Variants in CISD1 observed in about 807,000 individuals in gnomAD.
CISD1 encodes the protein CDGSH iron-sulfur domain-containing protein 1.
In CISD1, 8 loss-of-function variants were observed where a neutral mutation model predicts 12.0. The ratio of observed to expected loss-of-function variants is 0.67; its 90% CI spans 0.39 to 1.20. CISD1 has a LOEUF of 1.20. CISD1 is among the 50% of genes most tolerant of loss of function. CISD1 has a pLI of 0.01. For missense variants in CISD1, 107 were observed against 132.7 expected (o/e 0.81, Z 0.95); for synonymous variants, 38 against 42.2 (o/e 0.90, Z 0.39).
intron 2 of CISD1, among the ~76,000 whole-genome samples, chr10:58,278,927 C>G (rs1354991686): frequency 6.6e-6 from 1 of 152,156 alleles, no homozygotes; most frequent in Non-Finnish European, 1.5e-5. Context: ...TGTAGGTATT[C>G]TGGTGGTGCT....
intron 2 of CISD1, among the ~76,000 whole-genome samples, chr10:58,285,609 A>G (rs1317024661): frequency 6.6e-6 from 1 of 152,234 alleles, no homozygotes; most frequent in East Asian, 1.9e-4. Flanking sequence ...AAAGATACAA[A>G]TATAGAGAAA....
rs1053855205 is a variant in CISD1 at position 58,277,216 on chromosome 10, T to C, written c.131T>C (p.Met44Thr). ...FYVKDHRNKA[M>T]INLHIQKDNP... is the part of the protein sequence containing the mutation. ...GTTAAAGATCATCGAAATAAAGCTATGATAAACCTTCACATCCAGAAAGAC... is the reference window on the plus strand; with the variant it reads ...GTTAAAGATCATCGAAATAAAGCTACGATAAACCTTCACATCCAGAAAGAC... Residue 44 changes from methionine (M) to threonine (T), a missense_variant, in exon 2 of 3, where the codon ATG becomes ACG. Coordinates refer to ENST00000333926, the MANE Select transcript of CISD1 (RefSeq NM_018464.5). The C allele has an allele frequency of 3.1e-6, 5 of 1,613,088 alleles. No individual in the cohort carries two copies. Among genetic ancestry groups the C allele is most frequent in the African/African-American group, 2.7e-5 (2 of 74,882 alleles).
In CISD1 at chr10:58,284,320, TA is replaced by T. The variant is rs796747642; in HGVS notation, c.238-3227del. Among the ~76,000 whole-genome samples, 255 of 139,690 alleles carry T rather than the reference TA, an allele frequency of 1.8e-3. 1 individual carries two copies. Among genetic ancestry groups the T allele is most frequent in the African/African-American group, 4.1e-3 (157 of 38,132 alleles). The allele number at this position is 139,690 out of a possible 152,430, so 91.6% of individuals were successfully genotyped here. A position where few individuals can be genotyped will look rare whatever the true frequency, so the allele number is the denominator to read the frequency against. ...CACTGTGCAATCTAATTTAATCTCT[TA>T]AAAAAAAAAAAAACTGTATACCCAC... On this transcript the variant is annotated intron_variant, in intron 2 of 2. Transcript: ENST00000333926.
intron 2 of CISD1, among the ~76,000 whole-genome samples, chr10:58,287,148 T>G (rs139284713): frequency 0.016 from 2,457 of 152,252 alleles, 72 homozygotes; most frequent in African/African-American, 0.057. Flanking sequence ...CTTGAACTCT[T>G]GACCTCAAAT....
chr10:58,272,331 C>T (rs1322356154), intron 1 of CISD1, among the ~76,000 whole-genome samples: 1 of 151,246 alleles, frequency 6.6e-6, no homozygotes, highest in African/African-American at 2.4e-5. Context: ...CAAGTTGCAA[C>T]ATAGGGATTT....
At position 58,278,861 on chromosome 10, in the gene CISD1, G is replaced by A. The variant is rs114405276; in HGVS notation, c.237+1539G>A. 7.1e-3 allele frequency among the ~76,000 whole-genome samples: 1,076 copies of A among 152,234 alleles called. 13 individuals are homozygous for A. The highest frequency in any genetic ancestry group is 0.024 in the African/African-American group (1,000 of 41,520). On this transcript the variant is annotated intron_variant, in intron 2 of 2. Coordinates refer to ENST00000333926, the MANE Select transcript of CISD1 (RefSeq NM_018464.5). ...CGGTTGAAGTCAAAACACAGACGCA[G>A]AGGACACAGTTAAGTCAGTGACCCA...
chr10:58,276,816 T>C (rs900671033), intron 1 of CISD1, among the ~76,000 whole-genome samples: 4 of 152,100 alleles, frequency 2.6e-5, no homozygotes, highest in Admixed American at 1.3e-4. Flanking sequence ...ATAAACACTT[T>C]TTAAATGATT....
At chr10:58,269,959 A>C (rs976728273) in intron 1 of CISD1, among the ~76,000 whole-genome samples, 1 of 152,202 alleles carries the variant, frequency 6.6e-6, no homozygotes, top group African/African-American at 2.4e-5. Flanking sequence ...TTTCGCAGAA[A>C]GTCCCGTTAT....
At chr10:58,271,015 A>C (rs1366731909) in intron 1 of CISD1, among the ~76,000 whole-genome samples, 1 of 146,912 alleles carries the variant, frequency 6.8e-6, no homozygotes, top group Non-Finnish European at 1.5e-5. Flanking sequence ...GAGATTACAT[A>C]TGTGAGACAC....
intron 1 of CISD1, among the ~76,000 whole-genome samples, 162 bp from the exon 2 acceptor site, chr10:58,276,955 A>G (rs577211902): frequency 1.3e-5 from 2 of 152,316 alleles, no homozygotes; most frequent in African/African-American, 4.8e-5. Context: ...AAGTCATAAC[A>G]AAGGACTATT....
In CISD1 at chr10:58,287,924, A is replaced by G. The variant is rs1839447760; in HGVS notation, c.*274A>G. On this transcript the variant is annotated 3_prime_UTR_variant, in exon 3 of 3. Transcript: ENST00000333926. ...CCATTTCTTTAAAATACTGACATAT[A>G]GAGTTGTACCTTATATAGAATATAG... is the stretch of plus-strand genomic sequence containing the variant. 3.4e-6 allele frequency: 1 copy of G among 292,668 alleles called. No individual in the cohort carries two copies. Among genetic ancestry groups the G allele is most frequent in the South Asian group, 1.1e-4 (1 of 8,782 alleles). The allele number at this position is 292,668 out of a possible 1,614,324, so 18.1% of individuals were successfully genotyped here.
At chr10:58,278,599 A>G (rs1219871485) in intron 2 of CISD1, among the ~76,000 whole-genome samples, 2 of 152,170 alleles carry the variant, frequency 1.3e-5, no homozygotes, top group Non-Finnish European at 2.9e-5. Context: ...AAAAATCAAT[A>G]AAAATGATGT....
chr10:58,269,566 A>G (rs773272752), intron 1 of CISD1, among the ~76,000 whole-genome samples: 3 of 152,046 alleles, frequency 2.0e-5, no homozygotes, highest in Non-Finnish European at 4.4e-5. Flanking sequence ...ACACCTAATG[A>G]CCGCGCCGCT....
At chr10:58,271,057 T>TTTTTTTTTA (rs75668167) in intron 1 of CISD1, among the ~76,000 whole-genome samples, 1 of 149,940 alleles carries the variant, frequency 6.7e-6, no homozygotes. Flanking sequence ...TTTTTTTTTT[T>TTTTTTTTTA]GAGGCGGAGT....
At chr10:58,269,705 C>A (rs935601643) in intron 1 of CISD1, among the ~76,000 whole-genome samples, 8 of 152,224 alleles carry the variant, frequency 5.3e-5, no homozygotes, top group Non-Finnish European at 1.0e-4. Context: ...CGTCGGGCCA[C>A]AACGTCGATT....
chr10:58,285,609 A>T (rs1317024661), intron 2 of CISD1, among the ~76,000 whole-genome samples: 1 of 152,234 alleles, frequency 6.6e-6, no homozygotes, highest in Admixed American at 6.5e-5. Context: ...AAAGATACAA[A>T]TATAGAGAAA....
At chr10:58,284,296 A>G (rs1487127746) in intron 2 of CISD1, among the ~76,000 whole-genome samples, 1 of 151,702 alleles carries the variant, frequency 6.6e-6, no homozygotes, top group Non-Finnish European at 1.5e-5. Context: ...CGATTGCACC[A>G]CTGTGCAATC....
chr10:58,270,578 G>A (rs1839234538), intron 1 of CISD1, among the ~76,000 whole-genome samples: 1 of 152,178 alleles, frequency 6.6e-6, no homozygotes, highest in Non-Finnish European at 1.5e-5. Context: ...CACAGTGTGT[G>A]TTTAAAATAC....
intron 2 of CISD1, among the ~76,000 whole-genome samples, chr10:58,283,532 G>A (rs1336336279): frequency 6.6e-6 from 1 of 152,172 alleles, no homozygotes; most frequent in African/African-American, 2.4e-5. Context: ...CTAATACAAA[G>A]TACGAAGTTC....
Sources: gnomAD v4.1 joint callset for allele counts (sites outside exome capture counted in the v4.1 genomes callset) on GRCh38, gnomAD v4.1.1 for gene constraint, MANE v1.5 for transcripts, NCBI Gene and HGNC (gene_info 2026-07-23, HGNC 2026-07-21) for gene names.